DCDC1: variants seen among roughly 807,000 people sequenced by gnomAD.
DCDC1 encodes doublecortin domain containing 1, also known as doublecortin domain-containing protein 1.
Under a neutral mutation model 178.3 loss-of-function variants are expected in DCDC1, and 200 were observed. The observed-to-expected ratio is 1.12, with a 90% confidence interval of 1.00 to 1.26. The LOEUF is 1.26. Among genes scored for constraint, DCDC1 ranks in the 50% most tolerant of loss-of-function variants. The pLI is 0.00. For missense variants in DCDC1, 1,983 were observed against 1,749.2 expected, an observed-to-expected ratio of 1.13 and a Z score of -2.38; for synonymous variants, 690 against 604.8, an observed-to-expected ratio of 1.14 and a Z score of -2.07.
chr11:30,911,068 C>T (rs1247042388), intron 28 of DCDC1, among the ~76,000 whole-genome samples: 1 of 152,078 alleles, frequency 6.6e-6, no homozygotes, highest in Non-Finnish European at 1.5e-5. Context: ...CTCATGCTTG[C>T]CATTGGGTTT....
At chr11:30,933,686 G>C (rs565459946) in intron 21 of DCDC1, among the ~76,000 whole-genome samples, 1 of 152,264 alleles carries the variant, frequency 6.6e-6, no homozygotes, top group Non-Finnish European at 1.5e-5. Context: ...GGAAAGTATT[G>C]CTTCTTGTGA....
chr11:31,297,886 C>A (rs1947815585), intron 6 of DCDC1, among the ~76,000 whole-genome samples: 1 of 152,090 alleles, frequency 6.6e-6, no homozygotes, highest in African/African-American at 2.4e-5. Flanking sequence ...AGTTGTACCG[C>A]TTTTCTGGAC....
chr11:31,343,632 A>G (rs999039192), intron 1 of DCDC1, among the ~76,000 whole-genome samples: 1 of 152,132 alleles, frequency 6.6e-6, no homozygotes, highest in African/African-American at 2.4e-5. Flanking sequence ...AAAAAATAAA[A>G]TAAGGGCGGG....
chr11:31,186,167 A>G (rs1329024685), intron 9 of DCDC1, among the ~76,000 whole-genome samples: 3 of 152,062 alleles, frequency 2.0e-5, no homozygotes, highest in African/African-American at 7.2e-5. Context: ...AAGCTGGCCT[A>G]CTGGCTTCAT....
intron 9 of DCDC1, among the ~76,000 whole-genome samples, chr11:31,197,358 T>C (rs1252825087): frequency 6.6e-6 from 1 of 152,148 alleles, no homozygotes; most frequent in African/African-American, 2.4e-5. Context: ...CTTTCCTTTT[T>C]GCAAATGCTA....
At chr11:30,985,379 A>T (rs912226540) in intron 20 of DCDC1, among the ~76,000 whole-genome samples, 3 of 152,222 alleles carry the variant, frequency 2.0e-5, no homozygotes, top group Non-Finnish European at 4.4e-5. Flanking sequence ...TTTTTATTAT[A>T]GAACTAATGA....
At chr11:31,119,207 T>C (rs208073) in intron 11 of DCDC1, among the ~76,000 whole-genome samples, 6 of 151,974 alleles carry the variant, frequency 3.9e-5, no homozygotes, top group Non-Finnish European at 7.4e-5. Flanking sequence ...TCCAATATTT[T>C]CCTACTATCG....
intron 21 of DCDC1, among the ~76,000 whole-genome samples, chr11:30,938,942 C>T (rs370441365): frequency 0.028 from 1,869 of 67,076 alleles, 44 homozygotes; most frequent in African/African-American, 0.21. Context: ...CCTGTGTACT[C>T]AACCCCCCTT....
intron 6 of DCDC1, among the ~76,000 whole-genome samples, chr11:31,291,154 T>A (rs1947204586): frequency 6.6e-6 from 1 of 152,062 alleles, no homozygotes; most frequent in African/African-American, 2.4e-5. Context: ...TATTACTGAT[T>A]AAACGCACCC....
chr11:31,164,043 A>C (rs1366338152), intron 9 of DCDC1, among the ~76,000 whole-genome samples: 1 of 152,188 alleles, frequency 6.6e-6, no homozygotes, highest in African/African-American at 2.4e-5. Context: ...AACATACTGG[A>C]CCACTATACT....
chr11:31,080,265 A>G (rs999122260), intron 17 of DCDC1, among the ~76,000 whole-genome samples: 26 of 152,232 alleles, frequency 1.7e-4, no homozygotes, highest in African/African-American at 6.0e-4. Flanking sequence ...TTGAGTTCTC[A>G]TTTTATAGAT....
chr11:30,975,595 C>T (rs1046313951), intron 20 of DCDC1, among the ~76,000 whole-genome samples: 4 of 151,724 alleles, frequency 2.6e-5, no homozygotes, highest in East Asian at 3.9e-4. Context: ...AGAAAGAAAT[C>T]GAGGCTCATT....
intron 1 of DCDC1, among the ~76,000 whole-genome samples, chr11:31,356,953 C>A (rs1951410472): frequency 6.6e-6 from 1 of 152,092 alleles, no homozygotes; most frequent in Admixed American, 6.6e-5. Flanking sequence ...CAATAGCTTA[C>A]CAACCAAAAA....
intron 14 of DCDC1, 124 bp from the exon 15 acceptor site, chr11:31,102,406 T>C (rs1156937064): frequency 2.2e-6 from 1 of 454,982 alleles, no homozygotes; most frequent in African/African-American, 1.9e-5. Flanking sequence ...ATAATTTATA[T>C]ATCAAATCTT....
At chr11:31,330,575 T>C (rs961900520) in intron 2 of DCDC1, among the ~76,000 whole-genome samples, 5 of 152,224 alleles carry the variant, frequency 3.3e-5, no homozygotes, top group Non-Finnish European at 7.3e-5. Flanking sequence ...AATTTTTGTA[T>C]AAGGTGTAAG....
chr11:31,172,090 A>T (rs940409183), intron 9 of DCDC1, among the ~76,000 whole-genome samples: 4 of 152,188 alleles, frequency 2.6e-5, no homozygotes, highest in African/African-American at 9.6e-5. Flanking sequence ...GATTTCCATT[A>T]TGTTACAGGT....
chr11:30,949,158 GA>G (rs1210411786), intron 21 of DCDC1, among the ~76,000 whole-genome samples: 2 of 151,982 alleles, frequency 1.3e-5, no homozygotes, highest in Non-Finnish European at 2.9e-5. Flanking sequence ...AAATTTACAA[GA>G]AAAAAGCAAA....
chr11:30,986,445 G>A (rs1224897008), intron 20 of DCDC1, among the ~76,000 whole-genome samples: 2 of 150,840 alleles, frequency 1.3e-5, no homozygotes, highest in East Asian at 3.9e-4. Context: ...TGATTCTCCT[G>A]CCTCAGCCTC....
At chr11:31,299,426 A>T (rs1195877434) in intron 6 of DCDC1, among the ~76,000 whole-genome samples, 5 of 152,194 alleles carry the variant, frequency 3.3e-5, no homozygotes, top group Non-Finnish European at 5.9e-5. Context: ...ATGGCAGCTT[A>T]AAGTTAAGAC....
Sources: gnomAD v4.1 joint callset for allele counts (sites outside exome capture counted in the v4.1 genomes callset) on GRCh38, gnomAD v4.1.1 for gene constraint, MANE v1.5 for transcripts, NCBI Gene and HGNC (gene_info 2026-07-23, HGNC 2026-07-21) for gene names.